The following MON2 variants were observed in gnomAD, a reference collection of about 807,000 sequenced individuals.
MON2 encodes protein MON2 homolog.
In MON2, 84 loss-of-function variants were observed where a neutral mutation model predicts 208.6. The ratio of observed to expected loss-of-function variants is 0.40; its 90% CI spans 0.34 to 0.48. The LOEUF is 0.48. MON2 is among the 20% of genes least tolerant of loss of function. The pLI is 0.59. For synonymous variants in MON2, 660 were observed against 694.0 expected (o/e 0.95, Z 0.77); for missense variants, 1,611 against 2,015.4 (o/e 0.80, Z 3.84).
At chr12:62,578,684 C>G (rs1839381301) in intron 31 of MON2, among the ~76,000 whole-genome samples, 179 bp downstream of exon 31, 1 of 152,108 alleles carries the variant, frequency 6.6e-6, no homozygotes, top group African/African-American at 2.4e-5. Context: ...AAAGTGACTT[C>G]CTTAGATTTG....
chr12:62,532,894 TCA>T (rs1384753570), intron 12 of MON2, among the ~76,000 whole-genome samples: 1 of 152,146 alleles, frequency 6.6e-6, no homozygotes, highest in Non-Finnish European at 1.5e-5. Context: ...CTTTAATGCA[TCA>T]GTGTGTATTT....
At chr12:62,491,407 T>G (rs930727385) in intron 2 of MON2, among the ~76,000 whole-genome samples, 2 of 152,212 alleles carry the variant, frequency 1.3e-5, no homozygotes, top group Non-Finnish European at 2.9e-5. Context: ...TTTTTGTTGT[T>G]GTGATACTAT....
intron 5 of MON2, 40 bp from the exon 6 acceptor site, chr12:62,500,743 C>T (rs574678759): frequency 1.0e-5 from 9 of 862,372 alleles, no homozygotes; most frequent in African/African-American, 1.7e-5. Flanking sequence ...TTATTAAAGG[C>T]TATTATGAAC....
chr12:62,476,456 G>T (rs2069087707), intron 1 of MON2, among the ~76,000 whole-genome samples: 2 of 149,608 alleles, frequency 1.3e-5, no homozygotes, highest in African/African-American at 4.9e-5. Flanking sequence ...TTTTTTTGAG[G>T]CAGAGTCTCG....
chr12:62,536,871 A>G (rs1463894610), intron 14 of MON2, among the ~76,000 whole-genome samples: 1 of 151,816 alleles, frequency 6.6e-6, no homozygotes, highest in African/African-American at 2.4e-5. Context: ...GTATTTTTAG[A>G]AGAGTCAGGA....
At chr12:62,503,920 C>G (rs768086670) in intron 7 of MON2, among the ~76,000 whole-genome samples, 5 of 152,088 alleles carry the variant, frequency 3.3e-5, no homozygotes, top group Non-Finnish European at 7.4e-5. Flanking sequence ...TCTTTCTTAT[C>G]TCTCTTTTTC....
In MON2 at chr12:62,538,262, C is replaced by T. The variant is rs1257384988; in HGVS notation, c.2210C>T (p.Thr737Ile). The T allele has an allele frequency of 3.7e-6, 6 of 1,613,140 alleles. No individual in the cohort carries two copies. The highest frequency in any genetic ancestry group is 4.2e-6 in the Non-Finnish European group (5 of 1,179,310). The change falls in exon 18 of 35, where the codon ACA becomes ATA. Residue 737 changes from threonine (T) to isoleucine (I), a missense_variant. By Grantham distance (89) the Thr-to-Ile change is moderately conservative. Transcript: ENST00000393630. Reference protein sequence around the residue: ...AVEGPSTVLTTAVMTDLPVIS... With the variant: ...AVEGPSTVLTIAVMTDLPVIS... ...TTTTATTCTTCTCAGGTTCTAACAA[C>T]AGCAGTGATGACAGATTTACCAGTG...
chr12:62,505,992 A>C (rs916044712), intron 7 of MON2, among the ~76,000 whole-genome samples: 2 of 152,150 alleles, frequency 1.3e-5, no homozygotes, highest in African/African-American at 4.8e-5. Flanking sequence ...TGATGAGTAT[A>C]ATGAGAAGTG....
intron 14 of MON2, among the ~76,000 whole-genome samples, chr12:62,536,801 G>T (rs1480481430): frequency 6.6e-6 from 1 of 151,020 alleles, no homozygotes; most frequent in African/African-American, 2.4e-5. Context: ...CAATTCTCCT[G>T]CCTCAGCCTC....
chr12:62,565,051 G>T, intron 26 of MON2, 186 bp from the exon 27 acceptor site: 1 of 521,372 alleles, frequency 1.9e-6, no homozygotes, highest in African/African-American at 2.0e-5. Flanking sequence ...CTGATTAACA[G>T]TTTCAGCCTA....
At chr12:62,486,174 T>G (rs1209707178) in intron 2 of MON2, among the ~76,000 whole-genome samples, 1 of 152,124 alleles carries the variant, frequency 6.6e-6, no homozygotes, top group African/African-American at 2.4e-5. Context: ...CTAATATCAT[T>G]GTTGATACCG....
rs1239550629 is a variant in MON2 at position 62,580,365 on chromosome 12, A to G, written c.4644A>G (p.Gln1548=). The G allele has an allele frequency of 3.1e-6, 5 of 1,608,464 alleles. No homozygotes were observed. The highest frequency in any genetic ancestry group is 4.3e-6 in the Non-Finnish European group (5 of 1,175,454). Residue 1548 remains glutamine, a synonymous_variant, in exon 32 of 35, where the codon CAA becomes CAG. Transcript: ENST00000393630. Reference sequence around the variant, plus strand: ...TTATTCCTAAGGAATTTGTTGGTCAAATAATGACAATGCTTAACAAGGGCT... The same window carrying G: ...TTATTCCTAAGGAATTTGTTGGTCAGATAATGACAATGCTTAACAAGGGCT... ...ANFIPKEFVG[Q]IMTMLNKGSI...
intron 24 of MON2, 126 bp from the exon 25 acceptor site, chr12:62,555,868 A>T: frequency 3.0e-6 from 2 of 672,650 alleles, no homozygotes; most frequent in Non-Finnish European, 5.0e-6. Flanking sequence ...TCCAATATAT[A>T]GGGATTGATA....
intron 12 of MON2, among the ~76,000 whole-genome samples, chr12:62,533,191 G>T (rs2072742510): frequency 6.6e-6 from 1 of 152,094 alleles, no homozygotes; most frequent in Non-Finnish European, 1.5e-5. Context: ...GACAGGACTG[G>T]CACAGAAATG....
At position 62,596,606 on chromosome 12, in the gene MON2, T is replaced by C. The variant is rs1347360100; in HGVS notation, c.*3857T>C. ...GTTCCTGGGTTGTATTTATCTACAT[T>C]ATTAGAGGGAATTTTTATTTTAAAA... On this transcript the variant is annotated 3_prime_UTR_variant, in exon 35 of 35. Transcript: ENST00000393630. 1.3e-5 allele frequency: 2 copies of C among 152,204 alleles called. No homozygotes were observed. The highest frequency in any genetic ancestry group is 4.8e-5 in the African/African-American group (2 of 41,450). The allele number at this position is 152,204 out of a possible 1,614,324, so 9.4% of individuals were successfully genotyped here. A position where few individuals can be genotyped will look rare whatever the true frequency, so the allele number is the denominator to read the frequency against.
intron 2 of MON2, among the ~76,000 whole-genome samples, chr12:62,492,183 A>G (rs932450075): frequency 1.3e-5 from 2 of 152,202 alleles, no homozygotes; most frequent in African/African-American, 4.8e-5. Flanking sequence ...CCATAAAGAC[A>G]GCTTTGGAAG....
intron 30 of MON2, among the ~76,000 whole-genome samples, chr12:62,574,335 G>C (rs1409892800): frequency 6.6e-6 from 1 of 152,014 alleles, no homozygotes; most frequent in African/African-American, 2.4e-5. Context: ...AACTCTAAAT[G>C]ACTGAGACTT....
At chr12:62,555,219 A>C (rs1319498075) in intron 24 of MON2, among the ~76,000 whole-genome samples, 1 of 151,874 alleles carries the variant, frequency 6.6e-6, no homozygotes, top group Non-Finnish European at 1.5e-5. Flanking sequence ...TCTGTTGCCC[A>C]GGATGGCATG....
chr12:62,574,321 C>G (rs982073571), intron 30 of MON2, among the ~76,000 whole-genome samples: 3 of 152,084 alleles, frequency 2.0e-5, no homozygotes, highest in Non-Finnish European at 2.9e-5. Context: ...ATTCTAAAGG[C>G]CAAAACTCTA....
Sources: allele counts gnomAD v4.1 joint callset (sites outside exome capture counted in the v4.1 genomes callset), GRCh38; gene constraint gnomAD v4.1.1; transcripts MANE v1.5; gene names NCBI Gene and HGNC (gene_info 2026-07-23, HGNC 2026-07-21).